SLC10A7: variants seen among roughly 807,000 people sequenced by gnomAD.
The protein encoded by SLC10A7 is solute carrier family 10 member 7.
SLC10A7 carries 29 observed loss-of-function variants against 43.2 expected under a neutral mutation model. That is an observed-to-expected ratio of 0.67 (90% CI 0.50 to 0.92). The LOEUF is 0.92. SLC10A7 is among the 40% of genes least tolerant of loss of function. The probability of loss-of-function intolerance (pLI) is 0.00; values close to 1 mark genes in which losing one functional copy is unlikely to be tolerated. For synonymous variants in SLC10A7, 152 were observed against 144.8 expected, an observed-to-expected ratio of 1.05 and a Z score of -0.35; for missense variants, 295 against 403.2, an observed-to-expected ratio of 0.73 and a Z score of 2.30.
intron 10 of SLC10A7, among the ~76,000 whole-genome samples, chr4:146,267,891 C>A (rs1200639500): frequency 6.6e-6 from 1 of 152,146 alleles, no homozygotes; most frequent in Non-Finnish European, 1.5e-5. Context: ...GTCTGACAAA[C>A]CCCCTTTGCT....
chr4:146,438,133 C>T (rs1730337460), intron 5 of SLC10A7, among the ~76,000 whole-genome samples: 1 of 151,940 alleles, frequency 6.6e-6, no homozygotes, highest in African/African-American at 2.4e-5. Flanking sequence ...GTTAACTATT[C>T]AAATTTTTCT....
chr4:146,316,462 C>T (rs899626611), intron 6 of SLC10A7, among the ~76,000 whole-genome samples: 3 of 152,068 alleles, frequency 2.0e-5, no homozygotes, highest in Non-Finnish European at 2.9e-5. Flanking sequence ...TTGCCCTTTC[C>T]ACCTTGTGAG....
chr4:146,407,753 T>A (rs1399293202), intron 5 of SLC10A7, among the ~76,000 whole-genome samples: 1 of 152,174 alleles, frequency 6.6e-6, no homozygotes, highest in Non-Finnish European at 1.5e-5. Flanking sequence ...ATATGCCCAA[T>A]CTAGGATATG....
intron 1 of SLC10A7, among the ~76,000 whole-genome samples, chr4:146,520,391 C>T (rs1481001641): frequency 6.6e-6 from 1 of 152,230 alleles, no homozygotes; most frequent in Admixed American, 6.5e-5. Context: ...GGAATAACTG[C>T]TTTATTCTCA....
intron 11 of SLC10A7, 88 bp downstream of exon 11, chr4:146,258,604 G>A: frequency 1.5e-6 from 2 of 1,325,048 alleles, no homozygotes; most frequent in Non-Finnish European, 2.0e-6. Context: ...AGATATGCAA[G>A]CAAAATCGAA....
At chr4:146,400,412 G>A (rs1297402459) in intron 5 of SLC10A7, among the ~76,000 whole-genome samples, 3 of 152,080 alleles carry the variant, frequency 2.0e-5, no homozygotes, top group Admixed American at 6.6e-5. Context: ...TGGCTAAAGG[G>A]GTACTCGGGC....
intron 4 of SLC10A7, among the ~76,000 whole-genome samples, chr4:146,456,323 C>A (rs1330267663): frequency 6.6e-6 from 1 of 151,860 alleles, no homozygotes; most frequent in Non-Finnish European, 1.5e-5. Flanking sequence ...TTTGTTTTAA[C>A]CCAACTGGTC....
intron 6 of SLC10A7, among the ~76,000 whole-genome samples, chr4:146,307,948 C>T (rs550563755): frequency 1.5e-4 from 23 of 152,272 alleles, no homozygotes; most frequent in African/African-American, 5.3e-4. Context: ...ACAATGTCTC[C>T]ATCCTTCGCA....
chr4:146,498,162 G>A lies in SLC10A7; in HGVS notation c.396+5687C>T, dbSNP rs1736073635. Among the ~76,000 whole-genome samples, 4 of 151,066 alleles carry A rather than the reference G, an allele frequency of 2.6e-5. No individual in the cohort carries two copies. The South Asian group carries it at 8.4e-4, about 32-fold the overall frequency. ...AGACGGAGTCTCGCTCTGTCGCCCAGGCTGGAGTGCAATGGCACAATCTTG... is the reference window on the plus strand; with the variant it reads ...AGACGGAGTCTCGCTCTGTCGCCCAAGCTGGAGTGCAATGGCACAATCTTG... On this transcript the variant is annotated intron_variant, in intron 4 of 11. Transcript: ENST00000335472.
At chr4:146,284,075 A>G (rs1031148135) in intron 9 of SLC10A7, among the ~76,000 whole-genome samples, 5 of 152,130 alleles carry the variant, frequency 3.3e-5, no homozygotes, top group Non-Finnish European at 7.4e-5. Flanking sequence ...GTTTTAGATA[A>G]TAAGGGTTTA....
chr4:146,364,098 C>T (rs955907603), intron 5 of SLC10A7, among the ~76,000 whole-genome samples: 2 of 149,732 alleles, frequency 1.3e-5, no homozygotes, highest in Non-Finnish European at 3.0e-5. Flanking sequence ...ATTAACAAAA[C>T]CTTTAGCTAA....
chr4:146,456,216 G>T (rs552799920), intron 4 of SLC10A7, among the ~76,000 whole-genome samples: 1 of 151,940 alleles, frequency 6.6e-6, no homozygotes, highest in African/African-American at 2.4e-5. Context: ...AAACAGTAAA[G>T]AAAAATCACT....
intron 5 of SLC10A7, among the ~76,000 whole-genome samples, chr4:146,363,926 A>ACAATGAAT (rs1736221923): frequency 6.6e-6 from 1 of 152,076 alleles, no homozygotes; most frequent in South Asian, 2.1e-4. Context: ...AAATAACCTA[A>ACAATGAAT]CAATGAATCG....
intron 5 of SLC10A7, among the ~76,000 whole-genome samples, chr4:146,401,206 C>A (rs771604819): frequency 6.6e-6 from 1 of 152,078 alleles, no homozygotes; most frequent in Non-Finnish European, 1.5e-5. Context: ...GTTGGAAAGA[C>A]CTTCTCTATT....
chr4:146,406,328 AT>A (rs1422965036), intron 5 of SLC10A7, among the ~76,000 whole-genome samples: 5 of 152,166 alleles, frequency 3.3e-5, no homozygotes, highest in Non-Finnish European at 4.4e-5. Context: ...CTCTAGAGCA[AT>A]TTTGGTTATA....
chr4:146,302,235 T>C (rs554942359), intron 7 of SLC10A7, among the ~76,000 whole-genome samples: 5 of 152,340 alleles, frequency 3.3e-5, no homozygotes, highest in African/African-American at 9.6e-5. Context: ...TAAACTAATA[T>C]AATCCACAGT....
intron 4 of SLC10A7, among the ~76,000 whole-genome samples, chr4:146,451,861 G>A (rs1363641108): frequency 6.6e-6 from 1 of 152,062 alleles, no homozygotes; most frequent in Non-Finnish European, 1.5e-5. Context: ...GTTAGTTTCT[G>A]GTACTGACAC....
chr4:146,268,150 C>T (rs1427985316), intron 10 of SLC10A7, among the ~76,000 whole-genome samples: 1 of 152,184 alleles, frequency 6.6e-6, no homozygotes, highest in Non-Finnish European at 1.5e-5. Flanking sequence ...TCCTATTGCT[C>T]TCCTGCCTAC....
intron 5 of SLC10A7, among the ~76,000 whole-genome samples, chr4:146,377,682 C>T (rs1737300796): frequency 6.6e-6 from 1 of 152,168 alleles, no homozygotes; most frequent in African/African-American, 2.4e-5. Context: ...TTTAGGAGCT[C>T]TGTCCCAGGA....
Sources: allele counts gnomAD v4.1 joint callset (sites outside exome capture counted in the v4.1 genomes callset), GRCh38; gene constraint gnomAD v4.1.1; transcripts MANE v1.5; gene names NCBI Gene and HGNC (gene_info 2026-07-23, HGNC 2026-07-21).